SLC16A10: variants seen among roughly 807,000 people sequenced by gnomAD.
SLC16A10 encodes the protein solute carrier family 16 member 10.
A neutral mutation model predicts 40.0 loss-of-function variants in SLC16A10; 27 were observed. The ratio of observed to expected loss-of-function variants is 0.67; its 90% CI spans 0.50 to 0.93. The LOEUF (loss-of-function observed/expected upper bound fraction) is 0.93. SLC16A10 is among the 40% of genes least tolerant of loss of function. SLC16A10 has a pLI of 0.00. For missense variants in SLC16A10, 529 were observed against 658.2 expected (o/e 0.80, Z 2.15); for synonymous variants, 213 against 249.8 (o/e 0.85, Z 1.39).
intron 1 of SLC16A10, chr6:111,091,141 T>A (rs1397056094): frequency 2.0e-5 from 3 of 152,210 alleles, no homozygotes; most frequent in Admixed American, 2.0e-4. Context: ...AAGTAAGAAG[T>A]GGAGCCAGAA....
At chr6:111,146,111 T>G (rs1353128245) in intron 1 of SLC16A10, among the ~76,000 whole-genome samples, 1 of 152,120 alleles carries the variant, frequency 6.6e-6, no homozygotes, top group South Asian at 2.1e-4. Context: ...AACTCAGCAA[T>G]AAAAAGACAA....
At chr6:111,221,918 A>G (rs2114597312) in intron 5 of SLC16A10, 85 bp from the exon 6 acceptor site, 3 of 1,255,996 alleles carry the variant, frequency 2.4e-6, no homozygotes, top group Non-Finnish European at 3.3e-6. Flanking sequence ...GATGTCTGAG[A>G]TGTCTGAATC....
Position 111,160,343 on chromosome 6 carries a change from A to T in SLC16A10, c.344-12352A>T, listed in dbSNP as rs1772347639. On this transcript the variant is annotated intron_variant, in intron 1 of 5. Transcript: ENST00000368851. ...AACCTCCACCTCCTGGGTTCAAGCG[A>T]TTCTTGTGCTTCAGCCTCCTGAATA... Among the ~76,000 whole-genome samples the T allele has an allele frequency of 3.9e-5, 6 of 152,300 alleles. No homozygotes were observed. The South Asian group carries it at 1.2e-3, about 32-fold the overall frequency.
intron 2 of SLC16A10, among the ~76,000 whole-genome samples, chr6:111,173,710 A>G (rs577988967): frequency 6.6e-6 from 1 of 152,290 alleles, no homozygotes; most frequent in East Asian, 1.9e-4. Context: ...ATGCCTGATG[A>G]TCTGTCACTT....
chr6:111,206,148 C>G (rs1773249136), intron 3 of SLC16A10, among the ~76,000 whole-genome samples: 1 of 151,446 alleles, frequency 6.6e-6, no homozygotes, highest in Non-Finnish European at 1.5e-5. Context: ...GTGCAATCAG[C>G]TCACTGCAAC....
chr6:111,210,412 G>A (rs994253305), intron 4 of SLC16A10, among the ~76,000 whole-genome samples: 2 of 152,220 alleles, frequency 1.3e-5, no homozygotes, highest in African/African-American at 4.8e-5. Context: ...GTACTTCACT[G>A]TGGACATCCT....
At chr6:111,106,360 A>G (rs931331396) in intron 1 of SLC16A10, among the ~76,000 whole-genome samples, 1 of 152,164 alleles carries the variant, frequency 6.6e-6, no homozygotes, top group Admixed American at 6.5e-5. Flanking sequence ...TTAATTTTGT[A>G]TATGTGGTAG....
At chr6:111,163,912 A>G (rs1450256701) in intron 1 of SLC16A10, among the ~76,000 whole-genome samples, 1 of 152,196 alleles carries the variant, frequency 6.6e-6, no homozygotes, top group Non-Finnish European at 1.5e-5. Context: ...TTATTTTTTG[A>G]TGAAATCTTT....
chr6:111,159,434 G>A (rs144550608), intron 1 of SLC16A10, among the ~76,000 whole-genome samples: 38 of 152,254 alleles, frequency 2.5e-4, no homozygotes, highest in African/African-American at 9.2e-4. Context: ...AGAATGTGGT[G>A]CATGTACATG....
At chr6:111,158,432 G>T (rs1772311681) in intron 1 of SLC16A10, among the ~76,000 whole-genome samples, 1 of 152,132 alleles carries the variant, frequency 6.6e-6, no homozygotes, top group Non-Finnish European at 1.5e-5. Context: ...TTCTATCTCA[G>T]ATCATCAGGC....
intron 2 of SLC16A10, among the ~76,000 whole-genome samples, chr6:111,176,269 T>C (rs1024917604): frequency 6.6e-6 from 1 of 152,248 alleles, no homozygotes; most frequent in Non-Finnish European, 1.5e-5. Flanking sequence ...AGCATGTTGC[T>C]AGACTAGCAT....
chr6:111,175,077 T>C (rs1772654560), intron 2 of SLC16A10, among the ~76,000 whole-genome samples: 1 of 152,246 alleles, frequency 6.6e-6, no homozygotes, highest in Non-Finnish European at 1.5e-5. Context: ...GTATAGATTC[T>C]GAGTGTCAAG....
At chr6:111,195,258 C>T (rs1053358822) in intron 3 of SLC16A10, among the ~76,000 whole-genome samples, 5 of 152,248 alleles carry the variant, frequency 3.3e-5, no homozygotes, top group African/African-American at 1.2e-4. Context: ...GGACATTACA[C>T]CAAATGAAAT....
At chr6:111,139,048 A>G (rs1583322803) in intron 1 of SLC16A10, among the ~76,000 whole-genome samples, 1 of 143,922 alleles carries the variant, frequency 6.9e-6, no homozygotes, top group South Asian at 2.2e-4. Flanking sequence ...TTCCCTCTCC[A>G]TTCCCTTTCC....
At chr6:111,099,611 A>G (rs1771138106) in intron 1 of SLC16A10, among the ~76,000 whole-genome samples, 1 of 152,124 alleles carries the variant, frequency 6.6e-6, no homozygotes. Flanking sequence ...CACCATGTTC[A>G]GCTGATAAAT....
At chr6:111,097,767 T>A (rs946600745) in intron 1 of SLC16A10, among the ~76,000 whole-genome samples, 10 of 152,224 alleles carry the variant, frequency 6.6e-5, no homozygotes, top group African/African-American at 2.4e-4. Context: ...TGAGGGGAGC[T>A]GTGCCGCTTT....
At chr6:111,130,394 G>T (rs1398278621) in intron 1 of SLC16A10, among the ~76,000 whole-genome samples, 1 of 152,212 alleles carries the variant, frequency 6.6e-6, no homozygotes, top group Non-Finnish European at 1.5e-5. Flanking sequence ...TCACTGACAT[G>T]TTGCTAGTTT....
chr6:111,131,618 C>T (rs1272336102), intron 1 of SLC16A10, among the ~76,000 whole-genome samples: 1 of 152,178 alleles, frequency 6.6e-6, no homozygotes, highest in Non-Finnish European at 1.5e-5. Context: ...AGCATGGCCA[C>T]CAGACTTAAG....
chr6:111,120,521 G>A (rs1341977911), intron 1 of SLC16A10, among the ~76,000 whole-genome samples: 1 of 152,024 alleles, frequency 6.6e-6, no homozygotes, highest in Non-Finnish European at 1.5e-5. Context: ...ACTTTTATTT[G>A]TATTTTATAT....
Sources: allele counts gnomAD v4.1 joint callset (sites outside exome capture counted in the v4.1 genomes callset), GRCh38; gene constraint gnomAD v4.1.1; transcripts MANE v1.5; gene names NCBI Gene and HGNC (gene_info 2026-07-23, HGNC 2026-07-21).